KAZN: variants seen among roughly 807,000 people sequenced by gnomAD.
KAZN encodes the protein kazrin, periplakin interacting protein.
A neutral mutation model predicts 87.4 loss-of-function variants in KAZN; 40 were observed. The observed-to-expected ratio is 0.46, with a 90% CI of 0.36 to 0.60. The LOEUF is 0.60. KAZN is among the 20% of genes least tolerant of loss of function. KAZN has a pLI of 0.00. For missense variants in KAZN, 898 were observed against 1,073.9 expected, an observed-to-expected ratio of 0.84 and a Z score of 2.29; for synonymous variants, 466 against 458.3, an observed-to-expected ratio of 1.02 and a Z score of -0.22.
chr1:13,935,197 A>C (rs1290617342), intron 1 of KAZN, among the ~76,000 whole-genome samples: 1 of 151,584 alleles, frequency 6.6e-6, no homozygotes, highest in Admixed American at 6.6e-5. Flanking sequence ...AGATGGCGCC[A>C]TTGCACTCCA....
chr1:14,543,743 G>A (rs72862085), intron 2 of KAZN, among the ~76,000 whole-genome samples: 1,536 of 152,200 alleles, frequency 0.01, 28 homozygotes, highest in African/African-American at 0.035. Flanking sequence ...CGGGTCATTG[G>A]AGACCACCGT....
intron 2 of KAZN, among the ~76,000 whole-genome samples, chr1:14,450,898 G>A (rs1667235844): frequency 6.6e-6 from 1 of 151,992 alleles, no homozygotes; most frequent in African/African-American, 2.4e-5. Context: ...GTCGTCCTAG[G>A]TTTCTGATGA....
intron 1 of KAZN, among the ~76,000 whole-genome samples, chr1:14,658,629 T>C (rs1261256748): frequency 6.6e-6 from 1 of 152,152 alleles, no homozygotes; most frequent in Non-Finnish European, 1.5e-5. Context: ...TATGACAACA[T>C]TTTCCACTTT....
intron 1 of KAZN, among the ~76,000 whole-genome samples, chr1:14,010,874 C>G (rs775749186): frequency 1.3e-5 from 2 of 152,202 alleles, no homozygotes; most frequent in African/African-American, 2.4e-5. Context: ...ATTTAAATGG[C>G]CATTCTTAAG....
At chr1:15,006,867 TA>T (rs1355458066) in intron 2 of KAZN, among the ~76,000 whole-genome samples, 1 of 151,766 alleles carries the variant, frequency 6.6e-6, no homozygotes, top group Non-Finnish European at 1.5e-5. Context: ...CCATCCTGGC[TA>T]ACATGGTGAA....
chr1:14,142,084 C>T (rs1557510062), intron 1 of KAZN, among the ~76,000 whole-genome samples: 2 of 146,856 alleles, frequency 1.4e-5, no homozygotes, highest in African/African-American at 2.5e-5. Flanking sequence ...GCCTTGCTAT[C>T]TTCCTCTTTT....
intron 1 of KAZN, among the ~76,000 whole-genome samples, chr1:14,684,214 A>G (rs554686833): frequency 1.3e-5 from 2 of 152,210 alleles, no homozygotes; most frequent in African/African-American, 4.8e-5. Context: ...AGGAATACCA[A>G]TCTCAGGGCA....
rs960160222 is a variant in KAZN, at chr1:15,081,043, A to T, written c.1223-13137A>T. ...AGAGAATGGTAGCATCTACTGCATAAGAGGGGCCACAGGTGACCCTGCTGT... is the reference window on the plus strand; with the variant it reads ...AGAGAATGGTAGCATCTACTGCATATGAGGGGCCACAGGTGACCCTGCTGT... On this transcript the variant is annotated intron_variant, in intron 8 of 14. Transcript: ENST00000376030. This position sits in a 1 kb window ranked among gnomAD's most constrained non-coding sequence, Gnocchi z 4.1. Among the ~76,000 whole-genome samples the T allele has an allele frequency of 2.6e-5, 4 of 152,270 alleles. No individual in the cohort carries two copies. The highest frequency in any genetic ancestry group is 5.9e-5 in the Non-Finnish European group (4 of 68,048).
chr1:13,971,691 G>A (rs1642142411), intron 1 of KAZN, among the ~76,000 whole-genome samples: 1 of 152,084 alleles, frequency 6.6e-6, no homozygotes. Flanking sequence ...AAAATCTCAT[G>A]TCAAATTGTA....
intron 2 of KAZN, among the ~76,000 whole-genome samples, chr1:14,267,460 C>A (rs934180244): frequency 1.3e-5 from 2 of 151,834 alleles, no homozygotes; most frequent in Admixed American, 1.3e-4. Context: ...TCATGCAGCC[C>A]ATGGGCCAAG....
chr1:14,414,398 G>GA (rs1359019673), intron 2 of KAZN, among the ~76,000 whole-genome samples: 1 of 144,302 alleles, frequency 6.9e-6, no homozygotes, highest in Non-Finnish European at 1.5e-5. Flanking sequence ...AAGGAGCCAA[G>GA]AATCCACTAA....
chr1:14,074,003 T>C (rs1291287918), intron 1 of KAZN, among the ~76,000 whole-genome samples: 1 of 152,152 alleles, frequency 6.6e-6, no homozygotes, highest in East Asian at 1.9e-4. Context: ...GAACAAAATA[T>C]TTCTGCTGGT....
intron 8 of KAZN, among the ~76,000 whole-genome samples, chr1:15,068,706 CA>C (rs1474823716): frequency 5.3e-5 from 8 of 151,996 alleles, no homozygotes; most frequent in African/African-American, 1.9e-4. Flanking sequence ...AGGCCTCCCC[CA>C]GCGAGACTCC....
chr1:14,714,797 G>GTTTTT (rs537512664), intron 1 of KAZN, among the ~76,000 whole-genome samples: 7 of 120,550 alleles, frequency 5.8e-5, no homozygotes, highest in East Asian at 2.5e-4. Flanking sequence ...TTTTTTTTTT[G>GTTTTT]TTTTTTTTTT....
chr1:14,297,964 G>A (rs1055735955), intron 2 of KAZN, among the ~76,000 whole-genome samples: 2 of 152,248 alleles, frequency 1.3e-5, no homozygotes, highest in East Asian at 1.9e-4. Context: ...GCGGTATCAC[G>A]CCTCTAATCC....
intron 2 of KAZN, among the ~76,000 whole-genome samples, chr1:14,355,399 CATATTTATTTAT>C (rs1658928656): frequency 8.3e-6 from 1 of 119,962 alleles, no homozygotes; most frequent in Admixed American, 1.0e-4. Context: ...GAACAATCTA[CATATTTATTTAT>C]TTATTTATTT....
exon 1 of KAZN, chr1:13,893,427 C>T (rs1461983777): frequency 2.0e-6 from 1 of 511,234 alleles, no homozygotes; most frequent in Non-Finnish European, 3.3e-6. Context: ...TGCTGCTGTG[C>T]AAGATTTGCC....
At chr1:15,009,309 G>A (rs530891720) in intron 2 of KAZN, among the ~76,000 whole-genome samples, 4 of 152,320 alleles carry the variant, frequency 2.6e-5, no homozygotes, top group African/African-American at 4.8e-5. Flanking sequence ...CCAGAATCCC[G>A]ACAGAAGAGA....
intron 1 of KAZN, among the ~76,000 whole-genome samples, chr1:14,629,176 C>T (rs1380443473): frequency 3.3e-5 from 5 of 152,154 alleles, no homozygotes; most frequent in African/African-American, 9.7e-5. Flanking sequence ...GATCAATTCT[C>T]ATACGGTGGC....
Sources: allele counts gnomAD v4.1 joint callset (sites outside exome capture counted in the v4.1 genomes callset), GRCh38; gene constraint gnomAD v4.1.1; non-coding constraint Gnocchi (gnomAD v3.1); transcripts MANE v1.5; gene names NCBI Gene and HGNC (gene_info 2026-07-23, HGNC 2026-07-21).